MAPK10: variants seen among roughly 807,000 people sequenced by gnomAD.
MAPK10 encodes mitogen-activated protein kinase 10.
MAPK10 carries 25 observed loss-of-function variants against 59.3 expected under a neutral mutation model. That is an observed-to-expected ratio of 0.42 (90% confidence interval 0.31 to 0.59). The LOEUF (loss-of-function observed/expected upper bound fraction) is 0.59. Among genes scored for constraint, MAPK10 ranks in the 20% least tolerant of loss-of-function variants. The pLI, the probability that MAPK10 is intolerant of heterozygous loss-of-function variation, is 0.15. For missense variants in MAPK10, 351 were observed against 568.9 expected, an observed-to-expected ratio of 0.62 and a Z score of 3.90; for synonymous variants, 190 against 200.5, an observed-to-expected ratio of 0.95 and a Z score of 0.44.
chr4:86,422,631 T>C (rs1746678940), intron 1 of MAPK10, among the ~76,000 whole-genome samples: 1 of 152,218 alleles, frequency 6.6e-6, no homozygotes. Context: ...GCACGCCTGG[T>C]AAGCCAACAA....
intron 1 of MAPK10, among the ~76,000 whole-genome samples, chr4:86,426,979 C>T (rs1007883532): frequency 2.7e-4 from 41 of 151,956 alleles, no homozygotes; most frequent in Middle Eastern, 6.8e-3. Context: ...AAGCTATGGC[C>T]GGGCGCAGTG....
intron 1 of MAPK10, among the ~76,000 whole-genome samples, chr4:86,469,252 A>G (rs1216324988): frequency 6.6e-6 from 1 of 152,198 alleles, no homozygotes; most frequent in African/African-American, 2.4e-5. Flanking sequence ...TTGTCTCAAA[A>G]AAACAAAACA....
chr4:86,408,811 A>C (rs904885490), intron 1 of MAPK10, among the ~76,000 whole-genome samples: 2 of 152,222 alleles, frequency 1.3e-5, no homozygotes, highest in Non-Finnish European at 2.9e-5. Context: ...GTCCTTTGTC[A>C]GATGGGTAGA....
At chr4:86,211,839 G>A (rs1341627747) in intron 2 of MAPK10, among the ~76,000 whole-genome samples, 2 of 152,114 alleles carry the variant, frequency 1.3e-5, no homozygotes, top group Non-Finnish European at 2.9e-5. Flanking sequence ...AAAAAGCAGA[G>A]TTTGTATGTT....
At chr4:86,501,659 T>C (rs1445285310) in intron 1 of MAPK10, among the ~76,000 whole-genome samples, 1 of 151,350 alleles carries the variant, frequency 6.6e-6, no homozygotes, top group Non-Finnish European at 1.5e-5. Context: ...AACATGCATT[T>C]GTATGCATGT....
At chr4:86,216,603 CTAA>C (rs2087725828) in intron 2 of MAPK10, among the ~76,000 whole-genome samples, 1 of 151,628 alleles carries the variant, frequency 6.6e-6, no homozygotes, top group South Asian at 2.1e-4. Context: ...AGATTAATCC[CTAA>C]TAATGTTTAC....
intron 13 of MAPK10, chr4:86,028,989 G>A: frequency 1.6e-6 from 1 of 628,954 alleles, no homozygotes; most frequent in Non-Finnish European, 2.9e-6. Context: ...AAAAGTTTTT[G>A]TACTGGATCA....
At chr4:86,395,053 T>A (rs1742733692) in intron 1 of MAPK10, among the ~76,000 whole-genome samples, 1 of 108,056 alleles carries the variant, frequency 9.3e-6, no homozygotes, top group Non-Finnish European at 1.8e-5. Context: ...TGTACACTCA[T>A]TCACAGTATT....
chr4:86,188,074 T>C lies in MAPK10; in HGVS notation c.66+6262A>G, dbSNP rs542474251. On this transcript the variant is annotated intron_variant, in intron 3 of 13. Coordinates refer to ENST00000641462, the MANE Select transcript of MAPK10 (RefSeq NM_138982.4). The stretch of plus-strand genomic sequence containing the variant: ...TTCATCCATGTCCCTGCAAAGGACA[T>C]GAACTCATCCTTTTTATGGCTGCGT... Among the ~76,000 whole-genome samples, 13 of 152,314 alleles carry C rather than the reference T, an allele frequency of 8.5e-5. No individual in the cohort carries two copies. The South Asian group carries it at 2.5e-3, about 29-fold the overall frequency.
Position 86,585,015 on chromosome 4 carries a change from GAA to G in MAPK10, c.-263+8893_-263+8894del, listed in dbSNP as rs1762566311. Among the ~76,000 whole-genome samples the G allele has an allele frequency of 2.0e-5, 3 of 152,268 alleles. No individual in the cohort carries two copies. In the East Asian group the frequency reaches 5.8e-4, roughly 29 times the overall value. ...TTAATCCAATTCAAGCTGCTATTGA[GAA>G]GACTTTCCCATTAAGAGAACTGGAC... On this transcript the variant is annotated intron_variant, in intron 1 of 4. Transcript: ENST00000502302.
intron 1 of MAPK10, among the ~76,000 whole-genome samples, chr4:86,411,841 G>C (rs1278176936): frequency 1.3e-5 from 2 of 152,150 alleles, no homozygotes; most frequent in Non-Finnish European, 2.9e-5. Context: ...GATGGGTCTT[G>C]ACTCTTTATC....
Position 86,017,428 on chromosome 4 carries a change from G to A in MAPK10, c.1253-58C>T. ...AATCTAGAACCAGACCCATCTTAAT[G>A]CCATTCAGGATTCAGGGATGGGCAA... On this transcript the variant is annotated intron_variant, in intron 13 of 13. Transcript: ENST00000641462. The surrounding 1 kb of genome is among the most constrained non-coding windows in gnomAD (Gnocchi z 4.4). The A allele has an allele frequency of 6.3e-7, 1 of 1,596,244 alleles. No individual in the cohort carries two copies. The highest frequency in any genetic ancestry group is 8.6e-7 in the Non-Finnish European group (1 of 1,166,892).
intron 1 of MAPK10, among the ~76,000 whole-genome samples, chr4:86,465,753 G>A (rs529825679): frequency 3.3e-4 from 50 of 152,280 alleles, no homozygotes; most frequent in African/African-American, 1.1e-3. Context: ...GCCAGATGCC[G>A]AGGAAGAGAT....
chr4:86,452,748 G>A (rs1471847260), intron 1 of MAPK10, among the ~76,000 whole-genome samples: 1 of 152,080 alleles, frequency 6.6e-6, no homozygotes, highest in African/African-American at 2.4e-5. Context: ...AGATCATGGC[G>A]GACGGGAGGC....
intron 1 of MAPK10, among the ~76,000 whole-genome samples, chr4:86,577,600 A>G (rs1415780038): frequency 4.6e-5 from 7 of 152,190 alleles, no homozygotes; most frequent in Admixed American, 1.3e-4. Flanking sequence ...TGTTTCTGAT[A>G]GTTTAGGGAC....
chr4:86,513,343 C>T (rs2149084407), intron 1 of MAPK10, among the ~76,000 whole-genome samples: 1 of 152,276 alleles, frequency 6.6e-6, no homozygotes, highest in East Asian at 1.9e-4. Flanking sequence ...CCACCACACC[C>T]AAGCAAGGAG....
chr4:86,329,748 C>T (rs1307104720), intron 2 of MAPK10, among the ~76,000 whole-genome samples: 4 of 152,094 alleles, frequency 2.6e-5, no homozygotes, highest in South Asian at 2.1e-4. Flanking sequence ...TAGTCTCCAC[C>T]GATAACCTCA....
chr4:86,169,763 C>T (rs1410022563), intron 3 of MAPK10, among the ~76,000 whole-genome samples: 1 of 151,808 alleles, frequency 6.6e-6, no homozygotes, highest in Non-Finnish European at 1.5e-5. Context: ...ACATAATTGT[C>T]AGATTCACCA....
chr4:86,558,309 T>C (rs1356895188), intron 1 of MAPK10, among the ~76,000 whole-genome samples: 2 of 152,176 alleles, frequency 1.3e-5, no homozygotes, highest in African/African-American at 4.8e-5. Context: ...AGTTTTTATA[T>C]TCCATCAAAT....
Sources: gnomAD v4.1 joint callset for allele counts (sites outside exome capture counted in the v4.1 genomes callset) on GRCh38, gnomAD v4.1.1 for gene constraint, Gnocchi (gnomAD v3.1) non-coding constraint, MANE v1.5 for transcripts, NCBI Gene and HGNC (gene_info 2026-07-23, HGNC 2026-07-21) for gene names.